Variants in ATP7A observed in about 807,000 individuals in gnomAD.
The protein encoded by ATP7A is ATPase copper transporting alpha, also known as copper-transporting ATPase 1.
Under a neutral mutation model 83.5 loss-of-function variants are expected in ATP7A, and 7 were observed. The observed-to-expected ratio is 0.08, with a 90% CI of 0.05 to 0.16. ATP7A has a LOEUF of 0.16. Among genes scored for constraint, ATP7A ranks in the 10% least tolerant of loss-of-function variants. The pLI, the probability that ATP7A is intolerant of heterozygous loss-of-function variation, is 1.00. For synonymous variants in ATP7A, 354 were observed against 395.2 expected (o/e 0.90, Z 1.24); for missense variants, 940 against 1,120.8 (o/e 0.84, Z 2.30).
intron 19 of ATP7A, among the ~76,000 whole-genome samples, chrX:78,040,998 T>C (rs1384699330): frequency 1.8e-5 from 2 of 111,358 alleles, no homozygotes; most frequent in African/African-American, 6.5e-5. Flanking sequence ...CTTTGAAATG[T>C]TGCTCATATT....
At chrX:77,999,262 GC>G (rs1272844856) in intron 5 of ATP7A, among the ~76,000 whole-genome samples, 29 of 111,120 alleles carry the variant, frequency 2.6e-4, no homozygotes, top group Non-Finnish European at 9.4e-5. Context: ...CTCCCAAAGT[GC>G]CAGGATTACA....
At chrX:78,039,068 G>A in intron 18 of ATP7A, 86 bp downstream of exon 18, 2 of 1,013,826 alleles carry the variant, frequency 2.0e-6, no homozygotes, top group Non-Finnish European at 2.7e-6. Flanking sequence ...TCTGAACTAT[G>A]AGGGTTATTC....
intron 19 of ATP7A, among the ~76,000 whole-genome samples, chrX:78,042,091 TG>T (rs2078052979): frequency 1.1e-5 from 1 of 90,685 alleles, no homozygotes; most frequent in African/African-American, 4.4e-5. Context: ...CACTCCAGCC[TG>T]GGTGACAGAG....
At position 78,029,286 on chromosome X, in the gene ATP7A, A is replaced by G; in HGVS notation, c.2953A>G (p.Ile985Val). Residue 985 changes from isoleucine to valine, a missense_variant, in exon 15 of 23, where the codon ATA becomes GTA. Physicochemically the swap from Ile to Val is conservative, Grantham distance 29. This residue lies in a region of ATP7A where 386 missense variants were observed against 502.2 expected (regional missense o/e 0.77). Transcript: ENST00000341514. ...AAGTATCTCCCGAACAGAAACGATA[A>G]TACGATTTGCTTTCCAAGCCTCTAT... is the stretch of plus-strand genomic sequence containing the variant. ...NRSISRTETIIRFAFQASITV... is the reference protein window; with the variant it reads ...NRSISRTETIVRFAFQASITV... The G allele has an allele frequency of 8.3e-7, 1 of 1,211,396 alleles. No individual in the cohort carries two copies. Among genetic ancestry groups the G allele is most frequent in the East Asian group, 3.0e-5 (1 of 33,853 alleles).
At chrX:77,994,781 G>T (rs1000988080) in intron 4 of ATP7A, among the ~76,000 whole-genome samples, 1 of 111,038 alleles carries the variant, frequency 9.0e-6, no homozygotes, top group Non-Finnish European at 1.9e-5. Flanking sequence ...GGCTCAAGCA[G>T]TCCACCCACC....
chrX:78,012,503 T>G (rs1557234667), intron 9 of ATP7A, among the ~76,000 whole-genome samples: 1 of 105,561 alleles, frequency 9.5e-6, no homozygotes, highest in Non-Finnish European at 1.9e-5. Flanking sequence ...ATGCCTATAA[T>G]CCCAGCTACT....
chrX:77,916,127 G>C (rs1314894237), intron 1 of ATP7A, among the ~76,000 whole-genome samples: 1 of 110,789 alleles, frequency 9.0e-6, no homozygotes, highest in Non-Finnish European at 1.9e-5. Context: ...GGCTGAGGTG[G>C]GTAGATTGCT....
At chrX:77,912,498 A>C (rs782307612) in intron 1 of ATP7A, among the ~76,000 whole-genome samples, 52 of 111,784 alleles carry the variant, frequency 4.7e-4, no homozygotes, top group African/African-American at 1.7e-3. Context: ...AAAAATATAG[A>C]ATACAAAACT....
At chrX:77,932,139 C>A (rs1490534921) in intron 1 of ATP7A, among the ~76,000 whole-genome samples, 2 of 110,301 alleles carry the variant, frequency 1.8e-5, no homozygotes, top group East Asian at 5.9e-4. Flanking sequence ...GGGCTCCTCA[C>A]TTCTCAGATG....
At chrX:77,978,240 A>G (rs1557230543) in intron 2 of ATP7A, among the ~76,000 whole-genome samples, 1 of 110,883 alleles carries the variant, frequency 9.0e-6, no homozygotes, top group African/African-American at 3.3e-5. Flanking sequence ...AGTTGGGGAT[A>G]TGTTTAGTTT....
At chrX:78,039,765 C>T (rs1557238142) in intron 18 of ATP7A, among the ~76,000 whole-genome samples, 2 of 112,293 alleles carry the variant, frequency 1.8e-5, no homozygotes, top group Non-Finnish European at 3.8e-5. Context: ...AATTTTACCT[C>T]AATAAAGTTA....
chrX:77,929,785 A>T (rs1214122336), intron 1 of ATP7A, among the ~76,000 whole-genome samples: 1 of 109,598 alleles, frequency 9.1e-6, no homozygotes, highest in Non-Finnish European at 1.9e-5. Flanking sequence ...AATTTCTTTT[A>T]TTCTCCTCTC....
chrX:77,912,528 C>T (rs2077165812), intron 1 of ATP7A, among the ~76,000 whole-genome samples: 1 of 111,253 alleles, frequency 9.0e-6, no homozygotes, highest in African/African-American at 3.3e-5. Context: ...ACAAACATAT[C>T]CAACTGCCCT....
At position 78,031,490 on chromosome X, in the gene ATP7A, A is replaced by T; in HGVS notation, c.3202A>T (p.Ile1068Leu). The T allele has an allele frequency of 5.0e-6, 6 of 1,210,492 alleles. No homozygotes were observed. The highest frequency in any genetic ancestry group is 6.7e-6 in the Non-Finnish European group (6 of 894,294). Residue 1068 changes from isoleucine to leucine, a missense_variant, in exon 16 of 23, where the codon ATA becomes TTA. This residue lies in a region of ATP7A where 386 missense variants were observed against 502.2 expected (regional missense o/e 0.77). Coordinates refer to ENST00000341514, the MANE Select transcript of ATP7A (RefSeq NM_000052.7). ...AAAGGTTCTAACTGAAAGTAACAGA[A>T]TATCACACCATAAAATCTTGGCCAT... ...QVKVLTESNR[I>L]SHHKILAIVG...
intron 8 of ATP7A, 63 bp downstream of exon 8, chrX:78,011,315 C>T: frequency 9.1e-7 from 1 of 1,103,440 alleles, no homozygotes; most frequent in Non-Finnish European, 1.3e-6. Flanking sequence ...TTTTTTTTTG[C>T]ATGTCAGTTT....
At chrX:77,961,280 A>T (rs1557228045) in intron 1 of ATP7A, among the ~76,000 whole-genome samples, 1 of 111,813 alleles carries the variant, frequency 8.9e-6, no homozygotes, top group Non-Finnish European at 1.9e-5. Context: ...TGCCTGACTG[A>T]TCTCTCTCAG....
chrX:78,041,546 A>G (rs56958400), intron 19 of ATP7A, among the ~76,000 whole-genome samples: 27,544 of 108,975 alleles, frequency 0.25, 2,713 homozygotes, highest in South Asian at 0.35. Flanking sequence ...AAGTGCTGGG[A>G]TTACACGTGT....
At chrX:78,030,697 T>TC (rs1335689470) in intron 15 of ATP7A, among the ~76,000 whole-genome samples, 17 of 104,194 alleles carry the variant, frequency 1.6e-4, no homozygotes, top group African/African-American at 5.2e-4. Context: ...TTTCTTTCTT[T>TC]TTTTTTTTTT....
intron 1 of ATP7A, among the ~76,000 whole-genome samples, chrX:77,959,761 C>A (rs1247720088): frequency 1.8e-5 from 2 of 112,442 alleles, no homozygotes; most frequent in Admixed American, 1.9e-4. Flanking sequence ...AAAGTTTTAA[C>A]TATTAGCAAC....
Sources: gnomAD v4.1 joint callset for allele counts (sites outside exome capture counted in the v4.1 genomes callset) on GRCh38, gnomAD v4.1.1 for gene constraint, gnomAD v4.1.1 regional missense constraint, MANE v1.5 for transcripts, NCBI Gene and HGNC (gene_info 2026-07-23, HGNC 2026-07-21) for gene names.